The following CNTNAP4 variants were observed in gnomAD, a reference collection of about 807,000 sequenced individuals.
The protein encoded by CNTNAP4 is contactin-associated protein-like 4.
Under a neutral mutation model 148.4 loss-of-function variants are expected in CNTNAP4, and 98 were observed. That is an observed-to-expected ratio of 0.66 (90% confidence interval 0.56 to 0.78). The LOEUF (loss-of-function observed/expected upper bound fraction) is 0.78. Ranked by LOEUF, CNTNAP4 falls within the 30% of genes least tolerant of loss-of-function variation. The pLI is 0.00. For synonymous variants in CNTNAP4, 730 were observed against 565.1 expected, an observed-to-expected ratio of 1.29 and a Z score of -4.14; for missense variants, 1,935 against 1,565.6, an observed-to-expected ratio of 1.24 and a Z score of -3.98.
chr16:76,424,532 T>C (rs2079310174), intron 3 of CNTNAP4, among the ~76,000 whole-genome samples: 1 of 152,006 alleles, frequency 6.6e-6, no homozygotes. Flanking sequence ...GGCGGGCAGA[T>C]CATTTGAGGT....
At chr16:76,538,595 A>G (rs968860665) in intron 19 of CNTNAP4, among the ~76,000 whole-genome samples, 4 of 151,976 alleles carry the variant, frequency 2.6e-5, no homozygotes, top group African/African-American at 7.2e-5. Flanking sequence ...TATATAAAAC[A>G]TTTATTATAT....
intron 1 of CNTNAP4, among the ~76,000 whole-genome samples, chr16:76,309,345 C>T (rs1960839607): frequency 6.6e-6 from 1 of 151,842 alleles, no homozygotes; most frequent in East Asian, 1.9e-4. Context: ...GGTGGTTGGC[C>T]ACCACCATTT....
chr16:76,300,544 T>C (rs977820568), intron 1 of CNTNAP4, among the ~76,000 whole-genome samples: 1 of 152,158 alleles, frequency 6.6e-6, no homozygotes, highest in African/African-American at 2.4e-5. Flanking sequence ...ACTTAAAGTA[T>C]AATCAAAAAT....
intron 2 of CNTNAP4, among the ~76,000 whole-genome samples, chr16:76,343,573 A>G (rs1018331169): frequency 1.3e-5 from 2 of 152,214 alleles, no homozygotes; most frequent in Non-Finnish European, 2.9e-5. Flanking sequence ...AGATACAACA[A>G]CAAGGATAAT....
intron 12 of CNTNAP4, among the ~76,000 whole-genome samples, chr16:76,485,681 C>T (rs771665195): frequency 6.6e-6 from 1 of 152,090 alleles, no homozygotes; most frequent in Non-Finnish European, 1.5e-5. Context: ...ACAAGTACCC[C>T]AGGTGATTCT....
chr16:76,443,315 C>G (rs968207558), intron 4 of CNTNAP4, among the ~76,000 whole-genome samples: 1 of 151,994 alleles, frequency 6.6e-6, no homozygotes, highest in Non-Finnish European at 1.5e-5. Flanking sequence ...CACATTTTTC[C>G]TATGGTCAAT....
intron 4 of CNTNAP4, among the ~76,000 whole-genome samples, chr16:76,440,495 TATAA>T (rs946363598): frequency 6.6e-6 from 1 of 152,116 alleles, no homozygotes; most frequent in Non-Finnish European, 1.5e-5. Context: ...CCACCCACAG[TATAA>T]ATAAATAAAA....
At chr16:76,484,768 A>G (rs976696079) in intron 12 of CNTNAP4, among the ~76,000 whole-genome samples, 8 of 152,178 alleles carry the variant, frequency 5.3e-5, no homozygotes, top group East Asian at 1.9e-4. Flanking sequence ...CCTTCTATCA[A>G]TGTTTCATTG....
At chr16:76,512,870 G>A (rs1007011276) in intron 15 of CNTNAP4, among the ~76,000 whole-genome samples, 3 of 152,202 alleles carry the variant, frequency 2.0e-5, no homozygotes, top group Non-Finnish European at 4.4e-5. Flanking sequence ...GCAATCAACT[G>A]TGTTAAATGT....
At chr16:76,528,455 G>C in intron 17 of CNTNAP4, among the ~76,000 whole-genome samples, 1 of 152,020 alleles carries the variant, frequency 6.6e-6, no homozygotes, top group Non-Finnish European at 1.5e-5. Context: ...TTGTAGAGAC[G>C]CAGTCTCCCT....
At chr16:76,323,099 G>A (rs764515346) in intron 2 of CNTNAP4, among the ~76,000 whole-genome samples, 3 of 151,918 alleles carry the variant, frequency 2.0e-5, no homozygotes, top group Admixed American at 1.3e-4. Context: ...TGCCTGCCTC[G>A]GCCTCCCTAA....
In CNTNAP4 at chr16:76,374,972, T is replaced by C. The variant is rs189094601; in HGVS notation, c.390+19461T>C. On this transcript the variant is annotated intron_variant, in intron 3 of 23. Coordinates refer to ENST00000611870, the MANE Select transcript of CNTNAP4 (RefSeq NM_033401.5). The stretch of plus-strand genomic sequence containing the variant: ...TTAGTAGAGATGGGGTTTCACCATG[T>C]TGGCCAGGCTGGTCTCGAACTCCTG... Among the ~76,000 whole-genome samples the C allele has an allele frequency of 7.8e-4, 118 of 152,110 alleles. No individual in the cohort carries two copies. In the East Asian group the frequency reaches 0.018, roughly 23 times the overall value.
intron 23 of CNTNAP4, among the ~76,000 whole-genome samples, chr16:76,554,305 G>A (rs955703210): frequency 5.9e-5 from 9 of 152,094 alleles, no homozygotes; most frequent in African/African-American, 1.9e-4. Flanking sequence ...CAAAAAGTAG[G>A]AAAAACCTGA....
At chr16:76,462,219 C>A in intron 9 of CNTNAP4, 114 bp downstream of exon 9, 2 of 965,626 alleles carry the variant, frequency 2.1e-6, no homozygotes, top group South Asian at 1.8e-5. Context: ...AATAATTTTT[C>A]ACTGTCTTTG....
chr16:76,351,794 T>A (rs72628208), intron 2 of CNTNAP4, among the ~76,000 whole-genome samples: 1 of 152,124 alleles, frequency 6.6e-6, no homozygotes, highest in Admixed American at 6.6e-5. Context: ...CAGTGAGGGC[T>A]TCCTCTTTCT....
At chr16:76,446,930 CATTG>C (rs1198321365) in intron 4 of CNTNAP4, among the ~76,000 whole-genome samples, 2 of 152,092 alleles carry the variant, frequency 1.3e-5, no homozygotes, top group Non-Finnish European at 2.9e-5. Flanking sequence ...CATTAAAAAA[CATTG>C]ATTGTGAAAT....
At chr16:76,328,124 G>T (rs1963175320) in intron 2 of CNTNAP4, among the ~76,000 whole-genome samples, 1 of 152,190 alleles carries the variant, frequency 6.6e-6, no homozygotes, top group Admixed American at 6.5e-5. Context: ...TACCTCTGAA[G>T]TGTAAGATGT....
chr16:76,317,700 T>C (rs1055010717), intron 2 of CNTNAP4, among the ~76,000 whole-genome samples: 1 of 150,880 alleles, frequency 6.6e-6, no homozygotes, highest in African/African-American at 2.4e-5. Context: ...ACATGACAAA[T>C]AGGTAAGAGT....
chr16:76,454,503 C>T (rs368590348), intron 8 of CNTNAP4, among the ~76,000 whole-genome samples: 2 of 152,076 alleles, frequency 1.3e-5, no homozygotes, highest in African/African-American at 2.4e-5. Flanking sequence ...TCATACTAAT[C>T]ATAAGGATAC....
Sources: gnomAD v4.1 joint callset for allele counts (sites outside exome capture counted in the v4.1 genomes callset) on GRCh38, gnomAD v4.1.1 for gene constraint, MANE v1.5 for transcripts, NCBI Gene and HGNC (gene_info 2026-07-23, HGNC 2026-07-21) for gene names.